TANC1: variants seen among roughly 807,000 people sequenced by gnomAD.
The protein encoded by TANC1 is tetratricopeptide repeat, ankyrin repeat and coiled-coil containing 1.
In TANC1, 77 loss-of-function variants were observed where a neutral mutation model predicts 149.7. The ratio of observed to expected loss-of-function variants is 0.51; its 90% CI spans 0.43 to 0.62. TANC1 has a LOEUF of 0.62. Ranked by LOEUF, TANC1 falls within the 20% of genes least tolerant of loss-of-function variation. TANC1 has a pLI of 0.00. For missense variants in TANC1, 1,985 were observed against 2,321.8 expected (o/e 0.85, Z 2.98); for synonymous variants, 854 against 925.0 (o/e 0.92, Z 1.39).
chr2:159,213,704 G>T (rs984562826), intron 19 of TANC1, among the ~76,000 whole-genome samples: 1 of 152,008 alleles, frequency 6.6e-6, no homozygotes, highest in South Asian at 2.1e-4. Context: ...TGTTAAGAAC[G>T]GCTCTTCCTG....
At chr2:159,188,973 C>T (rs1031167279) in intron 16 of TANC1, among the ~76,000 whole-genome samples, 20 of 152,234 alleles carry the variant, frequency 1.3e-4, no homozygotes, top group African/African-American at 4.8e-4. Flanking sequence ...TCAGCCAAGA[C>T]TGCTGCTCTG....
intron 2 of TANC1, among the ~76,000 whole-genome samples, chr2:159,018,422 A>G (rs2038487320): frequency 6.6e-6 from 1 of 152,220 alleles, no homozygotes; most frequent in Non-Finnish European, 1.5e-5. Context: ...GTATAATTCT[A>G]GCAAACAGTA....
chr2:158,990,171 C>T (rs1459186947), intron 1 of TANC1, among the ~76,000 whole-genome samples: 3 of 152,148 alleles, frequency 2.0e-5, no homozygotes, highest in East Asian at 1.9e-4. Context: ...CGCCTGACCT[C>T]GTGATCTGCC....
chr2:159,110,905 C>T (rs2047660133), intron 4 of TANC1, among the ~76,000 whole-genome samples: 1 of 152,206 alleles, frequency 6.6e-6, no homozygotes, highest in Admixed American at 6.5e-5. Flanking sequence ...GCACAGCCCT[C>T]CTTCGGGGCT....
intron 1 of TANC1, among the ~76,000 whole-genome samples, chr2:158,989,076 T>A (rs1553512326): frequency 6.6e-6 from 1 of 152,086 alleles, no homozygotes; most frequent in Non-Finnish European, 1.5e-5. Context: ...GAGAGCACAC[T>A]GGGGGAAATA....
At chr2:158,998,075 G>A (rs796627332) in intron 1 of TANC1, among the ~76,000 whole-genome samples, 13 of 152,130 alleles carry the variant, frequency 8.5e-5, no homozygotes, top group African/African-American at 3.1e-4. Context: ...CCTGTGCAAC[G>A]TAGCAAGACC....
Position 159,178,738 on chromosome 2 carries a change from C to T in TANC1, c.2085C>T (p.His695=). The T allele has an allele frequency of 6.2e-7, 1 of 1,614,166 alleles. No individual in the cohort carries two copies. The highest frequency in any genetic ancestry group is 8.5e-7 in the Non-Finnish European group (1 of 1,180,024). ...CACTCATTGGAAAAGTGAGCAGCCA[C>T]CTGGTGCTGCGGAGCCTCGGCTCCT... ...DATLIGKVSS[H]LVLRSLGSYL... The change falls in exon 14 of 27, where the codon CAC becomes CAT. Residue 695 remains histidine, a synonymous_variant. Transcript: ENST00000263635.
At chr2:159,076,488 A>C (rs1037229188) in intron 3 of TANC1, among the ~76,000 whole-genome samples, 5 of 152,220 alleles carry the variant, frequency 3.3e-5, no homozygotes, top group Non-Finnish European at 5.9e-5. Flanking sequence ...AAGATGTCAA[A>C]GTTCCTCCTC....
chr2:159,017,515 A>G (rs911251748), intron 2 of TANC1, among the ~76,000 whole-genome samples: 2 of 152,100 alleles, frequency 1.3e-5, no homozygotes, highest in African/African-American at 2.4e-5. Context: ...GGAAATAAGT[A>G]TTTGCAGTGG....
intron 4 of TANC1, among the ~76,000 whole-genome samples, chr2:159,109,829 T>C (rs1440751291): frequency 6.6e-6 from 1 of 152,200 alleles, no homozygotes; most frequent in African/African-American, 2.4e-5. Flanking sequence ...TTTACTTAAC[T>C]GTGGCCCCAA....
chr2:159,048,249 CT>C (rs2041217640), intron 2 of TANC1, among the ~76,000 whole-genome samples: 1 of 152,090 alleles, frequency 6.6e-6, no homozygotes, highest in South Asian at 2.1e-4. Context: ...AGTAGATTGG[CT>C]TTGGGGGGCA....
At chr2:159,018,738 T>C (rs905706899) in intron 2 of TANC1, among the ~76,000 whole-genome samples, 4 of 151,634 alleles carry the variant, frequency 2.6e-5, no homozygotes, top group Non-Finnish European at 4.4e-5. Flanking sequence ...TAGAATCTCA[T>C]ATTCGTCCCT....
In TANC1 at chr2:159,178,962, A is replaced by C. The variant is rs767972372; in HGVS notation, c.2309A>C (p.Asp770Ala). ...CTCGCATCCCTCCACCCCATGACAG[A>C]CGAGCAGATCTTTCAGGCTATTAAT... is the stretch of plus-strand genomic sequence containing the variant. ...VALASLHPMT[D>A]EQIFQAINAG... Residue 770 changes from aspartate to alanine, a missense_variant, in exon 14 of 27, where the codon GAC (aspartate) becomes GCC (alanine). Asp to Ala is a moderately radical substitution (Grantham distance 126). This residue lies in a region of TANC1 where 508 missense variants were observed against 714.2 expected (regional missense o/e 0.71). Coordinates refer to ENST00000263635, the MANE Select transcript of TANC1 (RefSeq NM_033394.3). The C allele has an allele frequency of 6.2e-7, 1 of 1,614,118 alleles. No homozygotes were observed. The highest frequency in any genetic ancestry group is 8.5e-7 in the Non-Finnish European group (1 of 1,180,030).
chr2:159,191,000 A>G (rs777753129), intron 16 of TANC1, among the ~76,000 whole-genome samples: 1 of 152,264 alleles, frequency 6.6e-6, no homozygotes, highest in Non-Finnish European at 1.5e-5. Flanking sequence ...GAAGTTGCCC[A>G]TGAAACAGCA....
chr2:159,045,773 C>T (rs2040990547), intron 2 of TANC1, among the ~76,000 whole-genome samples: 1 of 152,164 alleles, frequency 6.6e-6, no homozygotes, highest in Admixed American at 6.5e-5. Flanking sequence ...CACTGCCAAC[C>T]CAAACATTCC....
chr2:159,179,053 C>T lies in TANC1; in HGVS notation c.2400C>T (p.Cys800=). ...DFQQRMDALS[C]FLIKRRDKTR... is the part of the protein sequence containing the mutation. ...AGCAGAGGATGGACGCCCTCTCCTG[C>T]TTCCTCATTAAGAGGCGAGACAAAA... Residue 800 remains cysteine, a synonymous_variant, in exon 14 of 27, where the codon TGC becomes TGT. Transcript: ENST00000263635. 6.2e-7 allele frequency: 1 copy of T among 1,614,016 alleles called. No individual in the cohort carries two copies. Among genetic ancestry groups the T allele is most frequent in the Non-Finnish European group, 8.5e-7 (1 of 1,180,026 alleles).
intron 3 of TANC1, among the ~76,000 whole-genome samples, chr2:159,069,944 CTGT>C (rs1451339874): frequency 2.0e-5 from 3 of 151,520 alleles, no homozygotes; most frequent in African/African-American, 4.9e-5. Context: ...GGTTTTGTTG[CTGT>C]TGTTGTTTTT....
intron 2 of TANC1, among the ~76,000 whole-genome samples, chr2:159,018,050 T>C (rs997448207): frequency 1.3e-5 from 2 of 152,206 alleles, no homozygotes; most frequent in East Asian, 3.8e-4. Flanking sequence ...CTCGTCAGTG[T>C]TGTGCAGCAT....
chr2:159,079,213 A>AAGAGATGGGGTCTCACTATATTGTCCAG (rs2044002058), intron 3 of TANC1, among the ~76,000 whole-genome samples: 2 of 152,078 alleles, frequency 1.3e-5, no homozygotes, highest in Non-Finnish European at 2.9e-5. Flanking sequence ...TTGTTTTTTA[A>AAGAGATGGGGTCTCACTATATTGTCCAG]AGAGATGGGG....
Sources: gnomAD v4.1 joint callset for allele counts (sites outside exome capture counted in the v4.1 genomes callset) on GRCh38, gnomAD v4.1.1 for gene constraint, gnomAD v4.1.1 regional missense constraint, MANE v1.5 for transcripts, NCBI Gene and HGNC (gene_info 2026-07-23, HGNC 2026-07-21) for gene names.